Variants in GULP1 observed in about 807,000 individuals in gnomAD.
GULP1 encodes the protein PTB domain-containing engulfment adapter protein 1.
GULP1 carries 19 observed loss-of-function variants against 40.9 expected under a neutral mutation model. The observed-to-expected ratio is 0.46, with a 90% CI of 0.32 to 0.68. GULP1 has a LOEUF of 0.68. GULP1 is among the 30% of genes least tolerant of loss of function. The probability of loss-of-function intolerance (pLI) is 0.03; values close to 1 mark genes in which losing one functional copy is unlikely to be tolerated. For missense variants in GULP1, 312 were observed against 362.2 expected, an observed-to-expected ratio of 0.86 and a Z score of 1.12; for synonymous variants, 119 against 117.6, an observed-to-expected ratio of 1.01 and a Z score of -0.08.
intron 1 of GULP1, among the ~76,000 whole-genome samples, chr2:188,374,198 A>G (rs2047997013): frequency 1.3e-5 from 2 of 152,134 alleles, no homozygotes; most frequent in African/African-American, 4.8e-5. Context: ...ATCATTTTAT[A>G]GAAAACTTTT....
At chr2:188,581,908 C>T (rs181552209) in intron 9 of GULP1, among the ~76,000 whole-genome samples, 52 of 152,096 alleles carry the variant, frequency 3.4e-4, no homozygotes, top group Non-Finnish European at 6.2e-4. Flanking sequence ...TGTTGTAATC[C>T]CTTTTGAAAA....
chr2:188,542,564 G>A (rs186322797), intron 7 of GULP1, among the ~76,000 whole-genome samples: 1 of 152,082 alleles, frequency 6.6e-6, no homozygotes, highest in East Asian at 1.9e-4. Context: ...AAGCTAATGT[G>A]CTAAGCTACT....
intron 1 of GULP1, among the ~76,000 whole-genome samples, chr2:188,379,620 G>A (rs973034940): frequency 3.9e-5 from 6 of 152,010 alleles, no homozygotes; most frequent in Non-Finnish European, 2.9e-5. Flanking sequence ...TCTAAAACAC[G>A]TATCTTACTG....
chr2:188,347,879 A>T (rs2043905881), intron 1 of GULP1, among the ~76,000 whole-genome samples: 1 of 152,184 alleles, frequency 6.6e-6, no homozygotes, highest in Non-Finnish European at 1.5e-5. Flanking sequence ...GGGACTTTAA[A>T]AGCCCTGGGA....
At chr2:188,488,353 G>GT (rs935370733) in intron 4 of GULP1, among the ~76,000 whole-genome samples, 2 of 151,888 alleles carry the variant, frequency 1.3e-5, no homozygotes, top group Non-Finnish European at 1.5e-5. Context: ...CTGTCCTTGA[G>GT]TTTTTTTACT....
chr2:188,340,542 C>G (rs2042825111), intron 1 of GULP1, among the ~76,000 whole-genome samples: 5 of 152,128 alleles, frequency 3.3e-5, no homozygotes, highest in Admixed American at 2.0e-4. Context: ...ACCCCTGAAG[C>G]CTCAGAGGGC....
intron 4 of GULP1, among the ~76,000 whole-genome samples, chr2:188,507,505 A>G (rs946574617): frequency 6.6e-6 from 1 of 150,802 alleles, no homozygotes; most frequent in Non-Finnish European, 1.5e-5. Flanking sequence ...TGGAATAAGT[A>G]TCATGACTCT....
At chr2:188,314,214 T>G (rs1212849910) in intron 1 of GULP1, among the ~76,000 whole-genome samples, 1 of 152,026 alleles carries the variant, frequency 6.6e-6, no homozygotes, top group Non-Finnish European at 1.5e-5. Context: ...AAAATGGAGG[T>G]CACTTTGGTG....
intron 2 of GULP1, among the ~76,000 whole-genome samples, chr2:188,445,168 C>A (rs1235334829): frequency 6.6e-6 from 1 of 152,086 alleles, no homozygotes; most frequent in East Asian, 1.9e-4. Flanking sequence ...TAAACCTTGA[C>A]GTTTGATGCC....
chr2:188,486,142 A>G (rs1160068743), intron 4 of GULP1, among the ~76,000 whole-genome samples: 1 of 152,026 alleles, frequency 6.6e-6, no homozygotes, highest in Non-Finnish European at 1.5e-5. Flanking sequence ...ATCCAACAGG[A>G]TTTTAGGAAG....
At chr2:188,548,206 A>G (rs1222648294) in intron 7 of GULP1, among the ~76,000 whole-genome samples, 1 of 152,126 alleles carries the variant, frequency 6.6e-6, no homozygotes, top group East Asian at 1.9e-4. Flanking sequence ...TGCAGATGGC[A>G]TGATTGTCTA....
intron 1 of GULP1, among the ~76,000 whole-genome samples, chr2:188,332,387 G>A (rs909642558): frequency 7.9e-5 from 12 of 151,826 alleles, no homozygotes; most frequent in Non-Finnish European, 8.8e-5. Flanking sequence ...ACGAGGTTTC[G>A]CCATGTTGGC....
chr2:188,387,879 A>AT (rs1268929487), intron 2 of GULP1, among the ~76,000 whole-genome samples: 4 of 151,744 alleles, frequency 2.6e-5, no homozygotes, highest in Non-Finnish European at 5.9e-5. Flanking sequence ...TTTTTTTTAA[A>AT]TTTTTTTGTT....
intron 1 of GULP1, among the ~76,000 whole-genome samples, chr2:188,328,226 A>G (rs1255068301): frequency 6.6e-6 from 1 of 152,158 alleles, no homozygotes; most frequent in Non-Finnish European, 1.5e-5. Flanking sequence ...AGATTAGAGC[A>G]CATTTCAGAA....
chr2:188,296,197 T>C (rs1429412523), intron 1 of GULP1, among the ~76,000 whole-genome samples: 1 of 152,050 alleles, frequency 6.6e-6, no homozygotes, highest in Non-Finnish European at 1.5e-5. Flanking sequence ...GCATAAAATA[T>C]ACTCAGATTG....
chr2:188,582,674 C>T (rs1340470256), intron 9 of GULP1: 2 of 377,990 alleles, frequency 5.3e-6, no homozygotes, highest in East Asian at 7.3e-5. Flanking sequence ...TATCTTGAGT[C>T]AATGTGATGT....
chr2:188,490,645 A>G (rs1170104920), intron 4 of GULP1, among the ~76,000 whole-genome samples: 1 of 152,066 alleles, frequency 6.6e-6, no homozygotes, highest in Non-Finnish European at 1.5e-5. Flanking sequence ...ATTTTTATTA[A>G]CATAATTCCT....
intron 4 of GULP1, 158 bp from the exon 5 acceptor site, chr2:188,522,598 C>T (rs1685129025): frequency 4.7e-6 from 1 of 213,890 alleles, no homozygotes; most frequent in African/African-American, 2.3e-5. Context: ...GTTACATTTT[C>T]ATATAATATA....
At chr2:188,352,636 A>G (rs1282632232) in intron 1 of GULP1, among the ~76,000 whole-genome samples, 2 of 151,156 alleles carry the variant, frequency 1.3e-5, no homozygotes, top group Non-Finnish European at 2.9e-5. Flanking sequence ...ACACACACAC[A>G]CACACACACA....
Sources: allele counts gnomAD v4.1 joint callset (sites outside exome capture counted in the v4.1 genomes callset), GRCh38; gene constraint gnomAD v4.1.1; transcripts MANE v1.5; gene names NCBI Gene and HGNC (gene_info 2026-07-23, HGNC 2026-07-21).